The following CERT1 variants were observed in gnomAD, a reference collection of about 807,000 sequenced individuals.
CERT1 encodes the protein ceramide transfer protein.
CERT1 carries 31 observed loss-of-function variants against 87.9 expected under a neutral mutation model. The observed-to-expected ratio is 0.35, with a 90% CI of 0.27 to 0.48. The LOEUF is 0.48. CERT1 is among the 20% of genes least tolerant of loss of function. CERT1 has a pLI of 0.99. For missense variants in CERT1, 487 were observed against 758.0 expected (o/e 0.64, Z 4.20); for synonymous variants, 289 against 250.9 (o/e 1.15, Z -1.44).
intron 8 of CERT1, chr5:75,410,643 G>C (rs1308062869): frequency 6.8e-6 from 1 of 148,128 alleles, no homozygotes; most frequent in Non-Finnish European, 1.5e-5. Context: ...GTATAGTACA[G>C]ACTAAAATCT....
Position 75,511,439 on chromosome 5 carries a change from G to C in CERT1, c.-232C>G. On this transcript the variant is annotated 5_prime_UTR_variant, in exon 1 of 17. Transcript: ENST00000643780. ...GTGAAGGAAGCCTACCCTTCCAGCC[G>C]TCAGCCGCCGCCGCCGTCGCCGTGA... 3 of 1,536,390 alleles carry C rather than the reference G, an allele frequency of 2.0e-6. No homozygotes were observed. Among genetic ancestry groups the C allele is most frequent in the Non-Finnish European group, 2.6e-6 (3 of 1,140,738 alleles).
Position 75,459,185 on chromosome 5 carries a change from TG to T in CERT1, c.232-5del. On this transcript the variant is annotated splice_polypyrimidine_tract_variant and splice_region_variant and intron_variant, in intron 2 of 16. Transcript: ENST00000643780. The stretch of plus-strand genomic sequence containing the variant: ...GACATTCATCAAAATCGTGAGGCTG[TG>T]GAGAAAAAGTAGAAAATGAAAAGCA... 6.3e-7 allele frequency: 1 copy of T among 1,577,166 alleles called. No homozygotes were observed. Among genetic ancestry groups the T allele is most frequent in the Non-Finnish European group, 8.7e-7 (1 of 1,146,532 alleles).
intron 2 of CERT1, among the ~76,000 whole-genome samples, chr5:75,461,229 A>G (rs1272161249): frequency 2.0e-5 from 3 of 152,226 alleles, no homozygotes; most frequent in Non-Finnish European, 4.4e-5. Flanking sequence ...GCAAGCAAGC[A>G]TTACCACCTG....
intron 5 of CERT1, among the ~76,000 whole-genome samples, chr5:75,424,725 T>C (rs900639864): frequency 6.6e-6 from 1 of 152,190 alleles, no homozygotes; most frequent in Non-Finnish European, 1.5e-5. Flanking sequence ...CTAAGACTCA[T>C]CATGGGCTAA....
intron 2 of CERT1, among the ~76,000 whole-genome samples, chr5:75,501,951 C>T (rs745571198): frequency 6.6e-6 from 1 of 151,710 alleles, no homozygotes. Context: ...ATACAGAAGC[C>T]GTAATAAAAG....
chr5:75,460,116 A>ATG (rs1765165088), intron 2 of CERT1, among the ~76,000 whole-genome samples: 1 of 151,970 alleles, frequency 6.6e-6, no homozygotes, highest in Non-Finnish European at 1.5e-5. Context: ...AAGCATATAT[A>ATG]TTTTTTAAGG....
At chr5:75,395,120 T>C (rs1475099114) in intron 11 of CERT1, among the ~76,000 whole-genome samples, 2 of 152,164 alleles carry the variant, frequency 1.3e-5, no homozygotes, top group Non-Finnish European at 1.5e-5. Context: ...ATGCTCCCCA[T>C]AGATTAAGCT....
chr5:75,495,989 C>T (rs898043729), intron 2 of CERT1, among the ~76,000 whole-genome samples: 6 of 151,666 alleles, frequency 4.0e-5, no homozygotes, highest in African/African-American at 1.4e-4. Context: ...TCAAAATACA[C>T]ATTCAAATAG....
At chr5:75,435,305 ATGGCTATGTCATCTT>A (rs1764043080) in intron 3 of CERT1, among the ~76,000 whole-genome samples, 1 of 152,172 alleles carries the variant, frequency 6.6e-6, no homozygotes, top group Non-Finnish European at 1.5e-5. Flanking sequence ...CTTTCCTAAA[ATGGCTATGTCATCTT>A]TCAACCCTTG....
Position 75,427,786 on chromosome 5 carries a change from C to T in CERT1, c.349-1308G>A, listed in dbSNP as rs142377524. On this transcript the variant is annotated intron_variant, in intron 3 of 16. Coordinates refer to ENST00000643780, the MANE Select transcript of CERT1 (RefSeq NM_001379029.1). The stretch of plus-strand genomic sequence containing the variant: ...TCTTCATTTGAATGGTGAAAACAAA[C>T]CTGTAGGTTTAGTAAACATCAATTT... Among the ~76,000 whole-genome samples, 614 of 152,096 alleles carry T rather than the reference C, an allele frequency of 4.0e-3. 1 individual carries two copies. The highest frequency in any genetic ancestry group is 0.02 in the Middle Eastern group (6 of 294).
intron 3 of CERT1, among the ~76,000 whole-genome samples, chr5:75,444,210 T>G (rs1764442536): frequency 6.6e-6 from 1 of 151,806 alleles, no homozygotes; most frequent in South Asian, 2.1e-4. Context: ...CACCCGCCAC[T>G]GCGCTCAGCT....
intron 2 of CERT1, among the ~76,000 whole-genome samples, chr5:75,489,406 T>G (rs578105177): frequency 1.3e-4 from 20 of 152,296 alleles, no homozygotes; most frequent in South Asian, 1.0e-3. Flanking sequence ...TGGGATCTAA[T>G]TAAACTAAAG....
intron 3 of CERT1, among the ~76,000 whole-genome samples, chr5:75,452,958 T>G (rs978770368): frequency 6.6e-6 from 1 of 152,224 alleles, no homozygotes; most frequent in Non-Finnish European, 1.5e-5. Flanking sequence ...CTGGTATACA[T>G]ATGTCCTTTT....
At chr5:75,376,341 A>G (rs796973868), downstream of CERT1, 7 of 152,336 alleles carry the variant, frequency 4.6e-5, no homozygotes, top group African/African-American at 1.7e-4. Context: ...GGAAGTCATC[A>G]TAAAGCATCA....
intron 2 of CERT1, among the ~76,000 whole-genome samples, chr5:75,501,777 A>G (rs968630127): frequency 6.6e-6 from 1 of 152,180 alleles, no homozygotes; most frequent in Non-Finnish European, 1.5e-5. Flanking sequence ...ACCAGGATAC[A>G]TAATTAGTCA....
chr5:75,456,663 C>CAAA (rs34320476), intron 3 of CERT1, among the ~76,000 whole-genome samples: 179 of 69,242 alleles, frequency 2.6e-3, no homozygotes, highest in Middle Eastern at 8.3e-3. Flanking sequence ...GACCTCATCT[C>CAAA]AAAAAAAAAA....
chr5:75,398,958 A>G (rs994728757), intron 11 of CERT1, among the ~76,000 whole-genome samples: 3 of 152,242 alleles, frequency 2.0e-5, no homozygotes, highest in Non-Finnish European at 4.4e-5. Context: ...CTTTTCTGCT[A>G]TAACATATCA....
At chr5:75,370,173 C>G (rs1183918374) in intron 17 of CERT1, 1 of 152,152 alleles carries the variant, frequency 6.6e-6, no homozygotes, top group African/African-American at 2.4e-5. Flanking sequence ...CTCCAGCATC[C>G]CACCAGATTA....
At chr5:75,374,631 AGT>A (rs1281214483), downstream of CERT1, 1 of 658,654 alleles carries the variant, frequency 1.5e-6, no homozygotes, top group African/African-American at 1.8e-5. Context: ...TTCCGAAGCG[AGT>A]GTCTTTGATG....
Sources: gnomAD v4.1 joint callset for allele counts (sites outside exome capture counted in the v4.1 genomes callset) on GRCh38, gnomAD v4.1.1 for gene constraint, MANE v1.5 for transcripts, NCBI Gene and HGNC (gene_info 2026-07-23, HGNC 2026-07-21) for gene names.